The following C16orf74 variants were observed in gnomAD, a reference collection of about 807,000 sequenced individuals.
The protein encoded by C16orf74 is uncharacterized protein C16orf74.
In C16orf74, 10 loss-of-function variants were observed where a neutral mutation model predicts 6.5. The ratio of observed to expected loss-of-function variants is 1.54; its 90% CI spans 0.95 to 2.61. The LOEUF is 2.61. Ranked by LOEUF, C16orf74 falls within the 30% of genes most tolerant of loss-of-function variation. C16orf74 has a pLI of 0.00. For missense variants in C16orf74, 141 were observed against 105.9 expected (o/e 1.33, Z -1.45); for synonymous variants, 60 against 42.5 (o/e 1.41, Z -1.60).
intron 2 of C16orf74, among the ~76,000 whole-genome samples, chr16:85,728,270 C>G (rs918870996): frequency 3.3e-5 from 5 of 152,218 alleles, no homozygotes; most frequent in African/African-American, 1.2e-4. Flanking sequence ...ACAGCGGAAT[C>G]TGGTGTGGGG....
intron 1 of C16orf74, among the ~76,000 whole-genome samples, chr16:85,750,312 C>G (rs997259616): frequency 6.6e-6 from 1 of 152,212 alleles, no homozygotes; most frequent in Non-Finnish European, 1.5e-5. Flanking sequence ...CCGCCCTCCG[C>G]CTATCCCTGG....
At chr16:85,735,020 C>A (rs1375458848) in intron 2 of C16orf74, among the ~76,000 whole-genome samples, 170 bp downstream of exon 2, 5 of 152,176 alleles carry the variant, frequency 3.3e-5, no homozygotes, top group Non-Finnish European at 7.4e-5. Context: ...GAGGGGTGCT[C>A]AGAGTCAGGA....
At chr16:85,743,422 C>G (rs1257746559) in intron 1 of C16orf74, 4 of 152,236 alleles carry the variant, frequency 2.6e-5, no homozygotes, top group Middle Eastern at 3.4e-3. Context: ...ACATTATCAC[C>G]ATCCTGTTTT....
intron 1 of C16orf74, 64 bp from the exon 2 acceptor site, chr16:85,735,299 G>T: frequency 3.1e-6 from 4 of 1,273,744 alleles, no homozygotes; most frequent in Non-Finnish European, 4.3e-6. Context: ...GCCACGTGCA[G>T]CCGGGCCCCC....
At chr16:85,713,532 C>G (rs1311144132) in intron 2 of C16orf74, among the ~76,000 whole-genome samples, 1 of 152,218 alleles carries the variant, frequency 6.6e-6, no homozygotes, top group South Asian at 2.1e-4. Context: ...CTTGGCCTCC[C>G]AAAGTGCTGG....
intron 2 of C16orf74, among the ~76,000 whole-genome samples, chr16:85,730,754 CAAGT>C (rs968038623): frequency 9.9e-5 from 15 of 151,072 alleles, no homozygotes; most frequent in Admixed American, 4.0e-4. Context: ...CCAGCCCAGC[CAAGT>C]AACTCCCAGA....
intron 2 of C16orf74, among the ~76,000 whole-genome samples, chr16:85,729,052 C>T (rs1259212878): frequency 6.6e-6 from 1 of 152,194 alleles, no homozygotes; most frequent in Admixed American, 6.5e-5. Context: ...TGCAGCAGGA[C>T]CATGCCATTT....
chr16:85,737,979 T>TG (rs1376021461), intron 1 of C16orf74, among the ~76,000 whole-genome samples: 1 of 151,384 alleles, frequency 6.6e-6, no homozygotes, highest in East Asian at 1.9e-4. Flanking sequence ...TTTTTTTTTT[T>TG]TAGCTCATCA....
At chr16:85,713,397 C>G (rs1172202899) in intron 2 of C16orf74, among the ~76,000 whole-genome samples, 1 of 152,180 alleles carries the variant, frequency 6.6e-6, no homozygotes, top group Non-Finnish European at 1.5e-5. Context: ...CTCAGCCTCC[C>G]AAGTAGTTGG....
chr16:85,710,346 C>T (rs1351847406), intron 2 of C16orf74, 39 bp from the exon 3 acceptor site: 25 of 1,440,514 alleles, frequency 1.7e-5, no homozygotes, highest in South Asian at 3.0e-5. Context: ...CACGTACACA[C>T]GACAGAGAGA....
chr16:85,713,074 C>T (rs1266663732), intron 2 of C16orf74, among the ~76,000 whole-genome samples: 1 of 152,188 alleles, frequency 6.6e-6, no homozygotes, highest in Admixed American at 6.5e-5. Context: ...TCTTATAGAT[C>T]TGGAGGCCAG....
chr16:85,715,993 ACAAAAGGAATCGCTGATGATCGGAGGC>A (rs2054019487), intron 2 of C16orf74, among the ~76,000 whole-genome samples: 4 of 144,166 alleles, frequency 2.8e-5, no homozygotes, highest in African/African-American at 1.2e-4. Context: ...GAGGCCCCCG[ACAAAAGGAATCGCTGATGATCGGAGGC>A]CCCCGACAAA....
At chr16:85,747,907 G>A (rs1055104859) in intron 1 of C16orf74, among the ~76,000 whole-genome samples, 8 of 152,042 alleles carry the variant, frequency 5.3e-5, no homozygotes, top group African/African-American at 1.9e-4. Flanking sequence ...CCAACTTGGT[G>A]AAACCCCATC....
rs916184507 is a variant in C16orf74 at position 85,750,338 on chromosome 16, C to T, written c.-19+588G>A. ...CTATCCCTGGGGGGAGCTGCGGGTG[C>T]CCCTTTTTACTGAGACCTCCCCTAG... On this transcript the variant is annotated intron_variant, in intron 1 of 3. Coordinates refer to ENST00000284245, the MANE Select transcript of C16orf74 (RefSeq NM_206967.3). Among the ~76,000 whole-genome samples, 6 of 152,138 alleles carry T rather than the reference C, an allele frequency of 3.9e-5. No individual in the cohort carries two copies. In the South Asian group the frequency reaches 6.2e-4, roughly 16 times the overall value.
chr16:85,716,695 G>A (rs918189047), intron 2 of C16orf74, among the ~76,000 whole-genome samples: 1 of 150,448 alleles, frequency 6.6e-6, no homozygotes, highest in Non-Finnish European at 1.5e-5. Context: ...AGGCGAGAGG[G>A]AGGAGGAAGG....
At chr16:85,736,771 T>G (rs1212741672) in intron 1 of C16orf74, among the ~76,000 whole-genome samples, 1 of 152,202 alleles carries the variant, frequency 6.6e-6, no homozygotes, top group East Asian at 1.9e-4. Context: ...TGGGATGAGC[T>G]GGCCGGGCAC....
intron 2 of C16orf74, among the ~76,000 whole-genome samples, chr16:85,721,046 G>A (rs400882): frequency 0.67 from 101,025 of 151,884 alleles, 34,413 homozygotes; most frequent in East Asian, 0.84. Flanking sequence ...AACCAAGATC[G>A]CGCCACTGCA....
chr16:85,716,237 G>A (rs1410186366), intron 2 of C16orf74, among the ~76,000 whole-genome samples: 2 of 151,822 alleles, frequency 1.3e-5, no homozygotes, highest in Non-Finnish European at 2.9e-5. Context: ...AAGTCTCGGA[G>A]GAGAGGGGGT....
At chr16:85,715,288 T>C (rs985424698) in intron 2 of C16orf74, among the ~76,000 whole-genome samples, 1 of 151,646 alleles carries the variant, frequency 6.6e-6, no homozygotes, top group Non-Finnish European at 1.5e-5. Flanking sequence ...AAGGGATGTG[T>C]TGCCACCGCC....
Sources: allele counts gnomAD v4.1 joint callset (sites outside exome capture counted in the v4.1 genomes callset), GRCh38; gene constraint gnomAD v4.1.1; transcripts MANE v1.5; gene names NCBI Gene and HGNC (gene_info 2026-07-23, HGNC 2026-07-21).